MAP4K3: variants seen among roughly 807,000 people sequenced by gnomAD.
MAP4K3 encodes mitogen-activated protein kinase kinase kinase kinase 3.
A neutral mutation model predicts 143.5 loss-of-function variants in MAP4K3; 94 were observed. The ratio of observed to expected loss-of-function variants is 0.65; its 90% CI spans 0.55 to 0.78. The LOEUF (loss-of-function observed/expected upper bound fraction) is 0.78, where lower values mean the gene tolerates loss of function less well. MAP4K3 is among the 30% of genes least tolerant of loss of function. The pLI, the probability that MAP4K3 is intolerant of heterozygous loss-of-function variation, is 0.00. For synonymous variants in MAP4K3, 416 were observed against 347.2 expected (o/e 1.20, Z -2.20); for missense variants, 1,077 against 1,068.1 (o/e 1.01, Z -0.12).
chr2:39,331,507 A>G (rs935167927), intron 8 of MAP4K3, among the ~76,000 whole-genome samples: 24 of 152,278 alleles, frequency 1.6e-4, no homozygotes, highest in African/African-American at 5.8e-4. Context: ...GGCAACCAAG[A>G]CATGCCAAAA....
chr2:39,252,331 C>T (rs1189967957), intron 32 of MAP4K3, among the ~76,000 whole-genome samples: 3 of 152,206 alleles, frequency 2.0e-5, no homozygotes, highest in Non-Finnish European at 4.4e-5. Context: ...TGTCAGTTCT[C>T]CCACTTACTG....
chr2:39,339,813 C>T (rs1423849350), intron 4 of MAP4K3, among the ~76,000 whole-genome samples: 3 of 151,900 alleles, frequency 2.0e-5, no homozygotes, highest in African/African-American at 7.3e-5. Flanking sequence ...AAAAAAACAA[C>T]AACAACCCAA....
At chr2:39,368,319 CA>C (rs1558669880) in intron 2 of MAP4K3, among the ~76,000 whole-genome samples, 1 of 151,824 alleles carries the variant, frequency 6.6e-6, no homozygotes, top group Non-Finnish European at 1.5e-5. Context: ...ATACAATGGG[CA>C]AAAAATTTTC....
At chr2:39,258,035 G>A (rs1680415264) in intron 31 of MAP4K3, among the ~76,000 whole-genome samples, 1 of 151,968 alleles carries the variant, frequency 6.6e-6, no homozygotes, top group Non-Finnish European at 1.5e-5. Flanking sequence ...AGGTTCAAGT[G>A]ATTCTCATGC....
chr2:39,320,993 A>G (rs1424977743), intron 12 of MAP4K3, among the ~76,000 whole-genome samples: 1 of 152,212 alleles, frequency 6.6e-6, no homozygotes, highest in Admixed American at 6.5e-5. Context: ...AATTTAAAAG[A>G]CTGAAATATT....
chr2:39,371,474 A>G (rs1299053744), intron 2 of MAP4K3, among the ~76,000 whole-genome samples: 1 of 152,064 alleles, frequency 6.6e-6, no homozygotes, highest in Non-Finnish European at 1.5e-5. Flanking sequence ...AACTCTTGCC[A>G]ATACACGTTG....
chr2:39,265,847 T>TA (rs1354595174), intron 27 of MAP4K3, among the ~76,000 whole-genome samples: 1 of 152,096 alleles, frequency 6.6e-6, no homozygotes, highest in Non-Finnish European at 1.5e-5. Context: ...GGTTTACAAA[T>TA]AATAAAATTG....
In MAP4K3 at chr2:39,325,609, T is replaced by C; in HGVS notation, c.827A>G (p.His276Arg). ...CTCGATTGCCAAAGACCGTGTCAAA[T>C]GTTGTGTTACAAAAGGATGCTATAA... The part of the protein sequence containing the change: ...KLLQHPFVTQ[H>R]LTRSLAIELL... Residue 276 changes from histidine (H) to arginine (R), a missense_variant, in exon 12 of 34, where the codon CAT (histidine) becomes CGT (arginine). Around this residue, in one of 2 missense-constraint regions of MAP4K3, gnomAD observed 864 missense variants for 801.2 expected, o/e 1.08. Coordinates refer to ENST00000263881, the MANE Select transcript of MAP4K3 (RefSeq NM_003618.4). 2 of 1,613,078 alleles carry C rather than the reference T, an allele frequency of 1.2e-6. No homozygotes were observed. Among genetic ancestry groups the C allele is most frequent in the Admixed American group, 1.7e-5 (1 of 60,000 alleles).
chr2:39,256,081 T>G (rs1300457949), intron 31 of MAP4K3, among the ~76,000 whole-genome samples: 3 of 152,242 alleles, frequency 2.0e-5, no homozygotes, highest in Admixed American at 2.0e-4. Context: ...GTTACTTTAT[T>G]GCCTTTGTGA....
chr2:39,363,470 C>T (rs111821139), intron 2 of MAP4K3, among the ~76,000 whole-genome samples: 1,696 of 152,186 alleles, frequency 0.011, 17 homozygotes, highest in Non-Finnish European at 0.017. Context: ...GAGTTTGAGA[C>T]CAGCCTGGCC....
chr2:39,401,943 A>C (rs1422769602), intron 1 of MAP4K3, among the ~76,000 whole-genome samples: 3 of 152,240 alleles, frequency 2.0e-5, no homozygotes, highest in Non-Finnish European at 4.4e-5. Context: ...AATAGAAATT[A>C]ATAATCATGT....
intron 1 of MAP4K3, among the ~76,000 whole-genome samples, chr2:39,415,202 T>C (rs949991702): frequency 2.0e-5 from 3 of 152,236 alleles, no homozygotes; most frequent in African/African-American, 7.2e-5. Context: ...ATGAATGGGC[T>C]TCATTTTAAA....
At chr2:39,286,389 G>A (rs573089453) in intron 21 of MAP4K3, among the ~76,000 whole-genome samples, 9 of 152,298 alleles carry the variant, frequency 5.9e-5, no homozygotes, top group African/African-American at 1.9e-4. Context: ...ACTGGTCTGC[G>A]GCCCAGGGGT....
chr2:39,325,926 G>A lies in MAP4K3; in HGVS notation c.698C>T (p.Pro233Leu). 6.3e-7 allele frequency: 1 copy of A among 1,596,244 alleles called. No individual in the cohort carries two copies. Among genetic ancestry groups the A allele is most frequent in the African/African-American group, 1.3e-5 (1 of 74,456 alleles). Residue 233 changes from proline to leucine, a missense_variant, in exon 10 of 34, where the codon CCT becomes CTT. Physicochemically the swap from Pro to Leu is moderately conservative, Grantham distance 98. Coordinates refer to ENST00000263881, the MANE Select transcript of MAP4K3 (RefSeq NM_003618.4). ...TTTCATTTTATCCTTTAGTTTAGGA[G>A]GCTGAAAATTGCTTTTTGTCATTAG... is the stretch of plus-strand genomic sequence containing the variant. ...LFLMTKSNFQPPKLKDKMKWS... is the reference protein window; with the variant it reads ...LFLMTKSNFQLPKLKDKMKWS...
At chr2:39,282,584 T>C in intron 21 of MAP4K3, 30 bp from the exon 22 acceptor site, 2 of 1,519,392 alleles carry the variant, frequency 1.3e-6, no homozygotes, top group Middle Eastern at 1.7e-4. Context: ...ATGATTACAC[T>C]TTTTTTGCTG....
intron 2 of MAP4K3, among the ~76,000 whole-genome samples, chr2:39,371,834 T>C (rs556876809): frequency 1.3e-5 from 2 of 151,416 alleles, no homozygotes; most frequent in South Asian, 4.2e-4. Flanking sequence ...TGTATATATA[T>C]ACGTATACAT....
chr2:39,271,521 C>T (rs564308946), intron 26 of MAP4K3, among the ~76,000 whole-genome samples: 3 of 152,216 alleles, frequency 2.0e-5, no homozygotes, highest in African/African-American at 4.8e-5. Flanking sequence ...TATTAAATAA[C>T]GAAAGAACAG....
At chr2:39,293,172 C>T in intron 17 of MAP4K3, 58 bp downstream of exon 17, 2 of 1,227,386 alleles carry the variant, frequency 1.6e-6, no homozygotes, top group East Asian at 2.5e-5. Flanking sequence ...GAGAAGAAGG[C>T]AAACTGACTT....
intron 1 of MAP4K3, among the ~76,000 whole-genome samples, chr2:39,418,264 G>C (rs1005308461): frequency 4.0e-5 from 6 of 149,280 alleles, no homozygotes; most frequent in African/African-American, 1.5e-4. Flanking sequence ...GAGCCTGAAA[G>C]AGCTCCCAAT....
Sources: gnomAD v4.1 joint callset for allele counts (sites outside exome capture counted in the v4.1 genomes callset) on GRCh38, gnomAD v4.1.1 for gene constraint, gnomAD v4.1.1 regional missense constraint, MANE v1.5 for transcripts, NCBI Gene and HGNC (gene_info 2026-07-23, HGNC 2026-07-21) for gene names.